The following BAZ1B variants were observed in gnomAD, a reference collection of about 807,000 sequenced individuals.
The protein encoded by BAZ1B is bromodomain adjacent to zinc finger domain 1B.
BAZ1B carries 22 observed loss-of-function variants against 153.8 expected under a neutral mutation model. The observed-to-expected ratio is 0.14, with a 90% CI of 0.10 to 0.20. BAZ1B has a LOEUF of 0.20. BAZ1B is among the 10% of genes least tolerant of loss of function. The pLI, the probability that BAZ1B is intolerant of heterozygous loss-of-function variation, is 1.00. For synonymous variants in BAZ1B, 676 were observed against 633.4 expected, an observed-to-expected ratio of 1.07 and a Z score of -1.01; for missense variants, 1,325 against 1,799.3, an observed-to-expected ratio of 0.74 and a Z score of 4.77.
At chr7:73,516,499 C>G (rs960948346) in intron 1 of BAZ1B, among the ~76,000 whole-genome samples, 53 of 152,010 alleles carry the variant, frequency 3.5e-4, no homozygotes, top group Admixed American at 3.4e-3. Context: ...ATTATAAAAT[C>G]TGGGGCCAGG....
Position 73,477,299 on chromosome 7 carries a change from T to C in BAZ1B, c.2162A>G (p.Asp721Gly). The C allele has an allele frequency of 6.2e-7, 1 of 1,614,250 alleles. No homozygotes were observed. Among genetic ancestry groups the C allele is most frequent in the Non-Finnish European group, 8.5e-7 (1 of 1,180,046 alleles). Residue 721 changes from aspartate to glycine, a missense_variant, in exon 7 of 20, where the codon GAT (aspartate) becomes GGT (glycine). Asp to Gly is a moderately conservative substitution (Grantham distance 94). Transcript: ENST00000339594. This position sits in a 1 kb window ranked among gnomAD's most constrained non-coding sequence, Gnocchi z 5.6. The stretch of plus-strand genomic sequence containing the variant: ...TAGGAACTCATCTTGTACCTCATTA[T>C]CCTCAAATGCAGCTGAATCTTTATT... ...DDNKDSAAFE[D>G]NEVQDEFLEK...
intron 13 of BAZ1B, among the ~76,000 whole-genome samples, chr7:73,453,623 G>T (rs1406675993): frequency 1.3e-5 from 2 of 152,210 alleles, no homozygotes; most frequent in African/African-American, 4.8e-5. Context: ...TTTAGCTAAG[G>T]AGACTAGTTA....
At chr7:73,462,214 G>C (rs1405716169) in intron 12 of BAZ1B, among the ~76,000 whole-genome samples, 1 of 152,100 alleles carries the variant, frequency 6.6e-6, no homozygotes, top group Non-Finnish European at 1.5e-5. Context: ...TTCAGCCTGG[G>C]TAACAGAGGG....
chr7:73,483,176 G>A (rs1163628412), intron 6 of BAZ1B, among the ~76,000 whole-genome samples: 4 of 152,022 alleles, frequency 2.6e-5, no homozygotes, highest in East Asian at 1.9e-4. Context: ...AAAAGAGAGC[G>A]TCCACAATTT....
intron 3 of BAZ1B, 28 bp from the exon 4 acceptor site, chr7:73,498,726 G>A (rs111322646): frequency 6.2e-7 from 1 of 1,601,122 alleles, no homozygotes; most frequent in Non-Finnish European, 8.5e-7. Flanking sequence ...GAGAAAATCA[G>A]AGATAATAAA....
intron 1 of BAZ1B, among the ~76,000 whole-genome samples, chr7:73,519,307 A>G (rs1308391658): frequency 2.6e-5 from 4 of 152,226 alleles, no homozygotes; most frequent in African/African-American, 9.6e-5. Flanking sequence ...AGAACTGGGA[A>G]TACTACTTCA....
Position 73,521,955 on chromosome 7 carries a change from T to G in BAZ1B, c.-22A>C. ...CCATCGCGGCGGCGGCGGTGGGGAC[T>G]GGCGGCTGCTGGGGCCGGCCCCGCG... On this transcript the variant is annotated 5_prime_UTR_variant, in exon 1 of 20. Coordinates refer to ENST00000339594, the MANE Select transcript of BAZ1B (RefSeq NM_032408.4). 7.2e-7 allele frequency: 1 copy of G among 1,387,840 alleles called. No individual in the cohort carries two copies. The highest frequency in any genetic ancestry group is 9.4e-7 in the Non-Finnish European group (1 of 1,060,442). 86.0% of individuals were successfully genotyped at this position (1,387,840 alleles called of 1,614,324 possible).
At chr7:73,497,274 A>G (rs1554576505) in intron 4 of BAZ1B, among the ~76,000 whole-genome samples, 1 of 152,092 alleles carries the variant, frequency 6.6e-6, no homozygotes, top group Non-Finnish European at 1.5e-5. Context: ...TAGGACAATT[A>G]GCACTTTACT....
chr7:73,487,406 G>C (rs943167122), intron 6 of BAZ1B, among the ~76,000 whole-genome samples: 2 of 152,150 alleles, frequency 1.3e-5, no homozygotes, highest in Non-Finnish European at 2.9e-5. Context: ...TCCAGCCTGG[G>C]TAACAGAGCA....
chr7:73,465,567 T>C (rs1563373167), intron 10 of BAZ1B, 30 bp from the exon 11 acceptor site: 9 of 1,358,174 alleles, frequency 6.6e-6, no homozygotes, highest in Non-Finnish European at 9.1e-6. Flanking sequence ...CTGATAACTC[T>C]GAAAAAAAAA....
At chr7:73,499,600 G>A (rs1159593025) in intron 3 of BAZ1B, among the ~76,000 whole-genome samples, 1 of 152,196 alleles carries the variant, frequency 6.6e-6, no homozygotes, top group African/African-American at 2.4e-5. Context: ...TACGGAGGAG[G>A]CTGAGGCAGG....
At chr7:73,506,635 C>T (rs1391942240) in intron 3 of BAZ1B, among the ~76,000 whole-genome samples, 2 of 151,412 alleles carry the variant, frequency 1.3e-5, no homozygotes, top group Non-Finnish European at 2.9e-5. Flanking sequence ...GCATATCACC[C>T]GAGGTCGAGA....
chr7:73,504,861 T>C (rs1269064231), intron 3 of BAZ1B, among the ~76,000 whole-genome samples: 6 of 151,824 alleles, frequency 4.0e-5, no homozygotes, highest in African/African-American at 1.2e-4. Context: ...AAAACCCCAC[T>C]AGTACTGCCA....
chr7:73,498,614 A>C lies in BAZ1B; in HGVS notation c.454T>G (p.Ser152Ala). The C allele has an allele frequency of 1.9e-6, 3 of 1,614,094 alleles. No individual in the cohort carries two copies. Among genetic ancestry groups the C allele is most frequent in the Non-Finnish European group, 2.5e-6 (3 of 1,180,000 alleles). The change falls in exon 4 of 20, where the codon TCT becomes GCT. Residue 152 changes from serine to alanine, a missense_variant. By Grantham distance (99) the Ser-to-Ala change is moderately conservative (BLOSUM62 1). Coordinates refer to ENST00000339594, the MANE Select transcript of BAZ1B (RefSeq NM_032408.4). The stretch of plus-strand genomic sequence containing the variant: ...GATGGAGAATCACAGGCACCATCAG[A>C]TTTCTTCTCAGTGGCCTCTTCATCC... ...KVDEEATEKK[S>A]DGACDSPSSD...
intron 13 of BAZ1B, among the ~76,000 whole-genome samples, chr7:73,453,984 T>G (rs1171592746): frequency 6.6e-6 from 1 of 151,904 alleles, no homozygotes; most frequent in African/African-American, 2.4e-5. Context: ...TGTTATTCAT[T>G]CATTCATTCA....
At chr7:73,447,132 C>T (rs1787866486) in intron 16 of BAZ1B, 132 bp downstream of exon 16, 20 of 1,520,184 alleles carry the variant, frequency 1.3e-5, no homozygotes, top group Admixed American at 1.8e-5. Context: ...AGCTAAGTTA[C>T]GCCACAGTCA....
intron 6 of BAZ1B, among the ~76,000 whole-genome samples, chr7:73,482,526 G>A (rs1789242010): frequency 6.6e-6 from 1 of 152,122 alleles, no homozygotes. Context: ...TCGCTAAAAA[G>A]GAGACTAAGT....
intron 10 of BAZ1B, among the ~76,000 whole-genome samples, chr7:73,466,081 G>A (rs185458693): frequency 1.3e-5 from 2 of 151,760 alleles, no homozygotes; most frequent in Non-Finnish European, 2.9e-5. Flanking sequence ...ATTACAGGGG[G>A]GAAAAAATCA....
At position 73,477,514 on chromosome 7, in the gene BAZ1B, T is replaced by C. The variant is rs1789040742; in HGVS notation, c.1947A>G (p.Leu649=). Residue 649 remains leucine, a synonymous_variant, in exon 7 of 20, where the codon TTA becomes TTG. Transcript: ENST00000339594. The surrounding 1 kb of genome is among the most constrained non-coding windows in gnomAD (Gnocchi z 5.6). ...EALSADKGGF[L]YLNRVLVILL... is the part of the protein sequence containing the mutation. ...GGATGACCAACACCCTGTTAAGGTA[T>C]AAAAAGCCACCCTTATCTGCACTCA... 1 of 1,614,164 alleles carries C rather than the reference T, an allele frequency of 6.2e-7. No homozygotes were observed. Among genetic ancestry groups the C allele is most frequent in the Non-Finnish European group, 8.5e-7 (1 of 1,180,024 alleles).
Sources: allele counts gnomAD v4.1 joint callset (sites outside exome capture counted in the v4.1 genomes callset), GRCh38; gene constraint gnomAD v4.1.1; non-coding constraint Gnocchi (gnomAD v3.1); transcripts MANE v1.5; gene names NCBI Gene and HGNC (gene_info 2026-07-23, HGNC 2026-07-21).